The following UGGT1 variants were observed in gnomAD, a reference collection of about 807,000 sequenced individuals.
UGGT1 encodes UDP-glucose glycoprotein glucosyltransferase 1, also known as UDP-glucose:glycoprotein glucosyltransferase 1.
In UGGT1, 107 loss-of-function variants were observed where a neutral mutation model predicts 203.9. The observed-to-expected ratio is 0.52, with a 90% confidence interval of 0.45 to 0.62. The LOEUF (loss-of-function observed/expected upper bound fraction) is 0.62. Ranked by LOEUF, UGGT1 falls within the 20% of genes least tolerant of loss-of-function variation. The pLI is 0.00. For synonymous variants in UGGT1, 628 were observed against 653.5 expected, an observed-to-expected ratio of 0.96 and a Z score of 0.59; for missense variants, 1,673 against 1,867.2, an observed-to-expected ratio of 0.90 and a Z score of 1.92.
Position 128,184,674 on chromosome 2 carries a change from T to TTTTG in UGGT1, c.4359+901_4359+904dup, listed in dbSNP as rs538532438. On this transcript the variant is annotated intron_variant, in intron 38 of 40. Coordinates refer to ENST00000259253, the MANE Select transcript of UGGT1 (RefSeq NM_020120.4). ...CAATGGAATAATAAAAGGTAAACTT[T>TTTTG]TTTGTTTGTTTGTTTGTTTTGAGAC... 3.9e-5 allele frequency among the ~76,000 whole-genome samples: 6 copies of TTTTG among 152,190 alleles called. No individual in the cohort carries two copies. In the East Asian group the frequency reaches 5.8e-4, roughly 15 times the overall value.
intron 15 of UGGT1, 147 bp from the exon 16 acceptor site, chr2:128,138,570 G>C (rs1689256303): frequency 1.1e-6 from 1 of 873,038 alleles, no homozygotes; most frequent in South Asian, 1.8e-5. Context: ...AATCATGTTA[G>C]AGTAGAGTAG....
intron 29 of UGGT1, 62 bp from the exon 30 acceptor site, chr2:128,173,719 G>A: frequency 2.5e-6 from 4 of 1,570,470 alleles, no homozygotes; most frequent in South Asian, 1.1e-5. Flanking sequence ...TTTGCATAAT[G>A]CATTTCAGAT....
chr2:128,138,514 T>TA (rs112766490), intron 15 of UGGT1, among the ~76,000 whole-genome samples: 21,134 of 141,250 alleles, frequency 0.15, 1,794 homozygotes, highest in Non-Finnish European at 0.21. Context: ...AAACTCTGTC[T>TA]AAAAAAAAAA....
chr2:128,146,914 G>A (rs1689716176), intron 18 of UGGT1, among the ~76,000 whole-genome samples: 1 of 152,146 alleles, frequency 6.6e-6, no homozygotes, highest in African/African-American at 2.4e-5. Flanking sequence ...CTCTAATCAT[G>A]TGGTTGGTCT....
chr2:128,180,125 A>G (rs1328779202), intron 35 of UGGT1, among the ~76,000 whole-genome samples: 2 of 152,206 alleles, frequency 1.3e-5, no homozygotes, highest in African/African-American at 4.8e-5. Context: ...TGTCTTACTG[A>G]GATAACGTTT....
chr2:128,138,398 G>A (rs572346189), intron 15 of UGGT1, among the ~76,000 whole-genome samples: 15 of 151,986 alleles, frequency 9.9e-5, no homozygotes, highest in African/African-American at 3.1e-4. Context: ...GCGTATAATC[G>A]CAGCTACTTG....
chr2:128,183,881 C>T (rs868628014), intron 38 of UGGT1, 92 bp downstream of exon 38: 1 of 901,298 alleles, frequency 1.1e-6, no homozygotes, highest in East Asian at 2.7e-5. Context: ...CAGTCCTCTC[C>T]TCACAGGATG....
intron 25 of UGGT1, among the ~76,000 whole-genome samples, chr2:128,163,184 C>T (rs770237127): frequency 6.6e-6 from 1 of 152,130 alleles, no homozygotes; most frequent in Non-Finnish European, 1.5e-5. Context: ...TGACACATCA[C>T]AGGAAGAGAA....
chr2:128,170,265 G>C (rs1168620212), intron 26 of UGGT1, 23 bp from the exon 27 acceptor site: 1 of 1,608,140 alleles, frequency 6.2e-7, no homozygotes, highest in Non-Finnish European at 8.5e-7. Context: ...CCAGGTTAAT[G>C]TTTTATCCTT....
In UGGT1 at chr2:128,181,104, TG is replaced by T. The variant is rs766112104; in HGVS notation, c.4083+33del. 4 of 1,586,090 alleles carry T rather than the reference TG, an allele frequency of 2.5e-6. No individual in the cohort carries two copies. The African/African-American group carries it at 4.1e-5, about 16-fold the overall frequency. ...CCTTAAAGGCCAAGTTTTGACAGTT[TG>T]TATTAAAAGCAACAAATTGCTTCTT... On this transcript the variant is annotated intron_variant, in intron 36 of 40. Coordinates refer to ENST00000259253, the MANE Select transcript of UGGT1 (RefSeq NM_020120.4).
intron 18 of UGGT1, among the ~76,000 whole-genome samples, chr2:128,150,509 A>G (rs1327118663): frequency 1.3e-5 from 2 of 152,112 alleles, no homozygotes; most frequent in African/African-American, 4.8e-5. Context: ...ACTTTTAGCC[A>G]TACACCCCTG....
At chr2:128,158,459 G>A (rs1690355334) in intron 22 of UGGT1, among the ~76,000 whole-genome samples, 1 of 152,148 alleles carries the variant, frequency 6.6e-6, no homozygotes, top group Non-Finnish European at 1.5e-5. Context: ...TATTAAAATG[G>A]AATGTTATGC....
intron 5 of UGGT1, among the ~76,000 whole-genome samples, chr2:128,110,547 G>A (rs1687799800): frequency 6.6e-6 from 1 of 152,182 alleles, no homozygotes; most frequent in African/African-American, 2.4e-5. Context: ...CAGTAGTGCT[G>A]TCTCTTGGGG....
At chr2:128,130,345 TC>T (rs1688815160) in intron 13 of UGGT1, among the ~76,000 whole-genome samples, 1 of 152,072 alleles carries the variant, frequency 6.6e-6, no homozygotes, top group Non-Finnish European at 1.5e-5. Context: ...GGAGAGCTGA[TC>T]TTATTTTTTC....
Position 128,097,494 on chromosome 2 carries a change from GC to G in UGGT1, c.126del (p.Asp43ThrfsTer20). ...TCTGTGGCTGTTCTCCTCAGTAAAG[GC>G]CGACTCAAAAGCCATTACAACCTCT... ...TVLWLFSSVKADSKAITTSLT... is the reference protein window; with the variant it reads ...TVLWLFSSVKXDSKAITTSLT... On this transcript the variant is annotated frameshift_variant, in exon 2 of 41. Transcript: ENST00000259253. LOFTEE classifies it high-confidence loss of function. 1 of 1,614,150 alleles carries G rather than the reference GC, an allele frequency of 6.2e-7. No individual in the cohort carries two copies. Among genetic ancestry groups the G allele is most frequent in the Non-Finnish European group, 8.5e-7 (1 of 1,180,028 alleles).
At chr2:128,127,534 T>C (rs1318072425) in intron 12 of UGGT1, 82 bp downstream of exon 12, 3 of 1,033,788 alleles carry the variant, frequency 2.9e-6, no homozygotes, top group Non-Finnish European at 4.4e-6. Context: ...CGTTCCTTCT[T>C]GATATGGCAT....
intron 12 of UGGT1, among the ~76,000 whole-genome samples, chr2:128,128,757 CTT>C (rs1688736225): frequency 6.6e-6 from 1 of 152,086 alleles, no homozygotes; most frequent in Non-Finnish European, 1.5e-5. Flanking sequence ...TGTAGTATCT[CTT>C]TTTAATCTTT....
chr2:128,126,817 G>C (rs1467489914), intron 11 of UGGT1, among the ~76,000 whole-genome samples: 2 of 151,398 alleles, frequency 1.3e-5, no homozygotes, highest in Admixed American at 1.3e-4. Flanking sequence ...TAGGCAGCTG[G>C]GACTATAGGA....
At chr2:128,107,565 G>A (rs1687660989) in intron 3 of UGGT1, among the ~76,000 whole-genome samples, 1 of 152,216 alleles carries the variant, frequency 6.6e-6, no homozygotes, top group Admixed American at 6.5e-5. Flanking sequence ...GGTAAACAAA[G>A]ACGTGTTCTG....
Sources: gnomAD v4.1 joint callset for allele counts (sites outside exome capture counted in the v4.1 genomes callset) on GRCh38, gnomAD v4.1.1 for gene constraint, MANE v1.5 for transcripts, NCBI Gene and HGNC (gene_info 2026-07-23, HGNC 2026-07-21) for gene names.